ZMAT4: variants seen among roughly 807,000 people sequenced by gnomAD.
ZMAT4 encodes zinc finger matrin-type protein 4.
Under a neutral mutation model 28.7 loss-of-function variants are expected in ZMAT4, and 17 were observed. The observed-to-expected ratio is 0.59, with a 90% CI of 0.41 to 0.89. The LOEUF (loss-of-function observed/expected upper bound fraction) is 0.89. ZMAT4 is among the 40% of genes least tolerant of loss of function. The pLI is 0.00. For missense variants in ZMAT4, 240 were observed against 283.8 expected (o/e 0.85, Z 1.11); for synonymous variants, 117 against 109.2 (o/e 1.07, Z -0.44).
At chr8:40,878,183 G>A (rs145058426) in intron 1 of ZMAT4, among the ~76,000 whole-genome samples, 134 of 152,290 alleles carry the variant, frequency 8.8e-4, no homozygotes, top group African/African-American at 2.7e-3. Flanking sequence ...CGTCAATCAT[G>A]AAAGCCAGTA....
chr8:40,537,625 A>T (rs1043092636), intron 6 of ZMAT4, among the ~76,000 whole-genome samples: 1 of 152,216 alleles, frequency 6.6e-6, no homozygotes, highest in African/African-American at 2.4e-5. Context: ...AGAACAGTTT[A>T]TTCCCTTAAG....
chr8:40,700,246 T>A (rs1157932287), intron 3 of ZMAT4, among the ~76,000 whole-genome samples: 5 of 148,104 alleles, frequency 3.4e-5, no homozygotes, highest in Non-Finnish European at 6.0e-5. Flanking sequence ...ATTGTAAGAT[T>A]AAAAAAAAAA....
chr8:40,844,286 G>A (rs1454964710), intron 1 of ZMAT4, among the ~76,000 whole-genome samples: 3 of 152,210 alleles, frequency 2.0e-5, no homozygotes, highest in Non-Finnish European at 4.4e-5. Context: ...TCCCAGAAGA[G>A]ATTAGTGTTT....
At chr8:40,847,140 G>T (rs541345575) in intron 1 of ZMAT4, among the ~76,000 whole-genome samples, 3 of 151,154 alleles carry the variant, frequency 2.0e-5, no homozygotes, top group South Asian at 2.1e-4. Context: ...GGAGGCACAG[G>T]TTGCAGTGAG....
intron 6 of ZMAT4, among the ~76,000 whole-genome samples, chr8:40,566,318 G>A (rs904399060): frequency 6.6e-6 from 1 of 152,150 alleles, no homozygotes; most frequent in Non-Finnish European, 1.5e-5. Flanking sequence ...GGAAATGAAA[G>A]CTGCCTCTCC....
intron 2 of ZMAT4, among the ~76,000 whole-genome samples, chr8:40,823,385 A>G (rs2150609468): frequency 6.6e-6 from 1 of 152,314 alleles, no homozygotes; most frequent in East Asian, 1.9e-4. Context: ...CTGGCCGGAC[A>G]CGGTGGCTCG....
intron 6 of ZMAT4, among the ~76,000 whole-genome samples, chr8:40,564,268 T>C (rs183377485): frequency 2.6e-5 from 4 of 152,282 alleles, no homozygotes; most frequent in Admixed American, 6.5e-5. Flanking sequence ...CACTGAGTTT[T>C]GTATTGATCA....
chr8:40,574,167 TA>T (rs1804188166), intron 6 of ZMAT4, among the ~76,000 whole-genome samples: 1 of 152,132 alleles, frequency 6.6e-6, no homozygotes, highest in African/African-American at 2.4e-5. Flanking sequence ...TTATTAAATT[TA>T]AAGGAAAAAA....
chr8:40,883,200 G>C (rs1052450685), intron 1 of ZMAT4, among the ~76,000 whole-genome samples: 1 of 152,132 alleles, frequency 6.6e-6, no homozygotes, highest in African/African-American at 2.4e-5. Context: ...TCAGTCCTGG[G>C]CAGAGCAGTC....
chr8:40,823,440 T>C (rs1815902470), intron 2 of ZMAT4, among the ~76,000 whole-genome samples: 2 of 152,156 alleles, frequency 1.3e-5, no homozygotes, highest in African/African-American at 2.4e-5. Context: ...GAGCAGATAA[T>C]GAGGTCAGGA....
intron 3 of ZMAT4, among the ~76,000 whole-genome samples, chr8:40,721,765 C>A (rs1296145739): frequency 6.6e-6 from 1 of 151,780 alleles, no homozygotes; most frequent in East Asian, 1.9e-4. Flanking sequence ...TTTTTGGCTG[C>A]ATAAATGTCT....
At chr8:40,543,488 G>A (rs989460257) in intron 6 of ZMAT4, among the ~76,000 whole-genome samples, 1 of 152,146 alleles carries the variant, frequency 6.6e-6, no homozygotes, top group Non-Finnish European at 1.5e-5. Context: ...CCCAAATAAC[G>A]ATATCCTCCA....
intron 1 of ZMAT4, among the ~76,000 whole-genome samples, chr8:40,867,541 C>G (rs1285991492): frequency 1.3e-5 from 2 of 152,158 alleles, no homozygotes; most frequent in Non-Finnish European, 2.9e-5. Context: ...TCGTCCAAAC[C>G]ATTAACTCTC....
At chr8:40,741,075 C>G (rs1811983700) in intron 3 of ZMAT4, among the ~76,000 whole-genome samples, 2 of 151,844 alleles carry the variant, frequency 1.3e-5, no homozygotes, top group South Asian at 4.2e-4. Context: ...TGGAAATAAA[C>G]ACAAAGAATA....
chr8:40,590,949 A>T (rs1166326580), intron 5 of ZMAT4, among the ~76,000 whole-genome samples: 2 of 151,992 alleles, frequency 1.3e-5, no homozygotes, highest in Non-Finnish European at 2.9e-5. Context: ...GTCAATTATG[A>T]TTGGTTGGTT....
At chr8:40,534,115 T>G (rs1802775781) in intron 6 of ZMAT4, among the ~76,000 whole-genome samples, 1 of 152,184 alleles carries the variant, frequency 6.6e-6, no homozygotes, top group Non-Finnish European at 1.5e-5. Context: ...AAGTGGTATA[T>G]TAAGAACTTA....
At chr8:40,655,607 G>A (rs140731060) in intron 5 of ZMAT4, among the ~76,000 whole-genome samples, 43 of 149,554 alleles carry the variant, frequency 2.9e-4, no homozygotes, top group African/African-American at 9.8e-4. Flanking sequence ...AAAAAAAAAA[G>A]ACATATGAAT....
chr8:40,876,861 C>T (rs190629025), intron 1 of ZMAT4, among the ~76,000 whole-genome samples: 18 of 152,116 alleles, frequency 1.2e-4, no homozygotes, highest in East Asian at 3.9e-4. Context: ...GACTGTATTA[C>T]GAATCTGGCA....
intron 5 of ZMAT4, among the ~76,000 whole-genome samples, chr8:40,589,495 T>C (rs934916292): frequency 3.3e-5 from 5 of 152,220 alleles, no homozygotes; most frequent in African/African-American, 1.2e-4. Flanking sequence ...ATTCTAGCCT[T>C]ATCCTAGATG....
Sources: gnomAD v4.1 joint callset for allele counts (sites outside exome capture counted in the v4.1 genomes callset) on GRCh38, gnomAD v4.1.1 for gene constraint, MANE v1.5 for transcripts, NCBI Gene and HGNC (gene_info 2026-07-23, HGNC 2026-07-21) for gene names.